The following DNMT3A variants were observed in gnomAD, a reference collection of about 807,000 sequenced individuals.
DNMT3A encodes DNA methyltransferase 3 alpha, also known as DNA (cytosine-5)-methyltransferase 3A.
Under a neutral mutation model 117.6 loss-of-function variants are expected in DNMT3A, and 267 were observed. That is an observed-to-expected ratio of 2.27 (90% CI 2.05 to 2.51). The LOEUF is 2.51. Among genes scored for constraint, DNMT3A ranks in the 30% most tolerant of loss-of-function variants. DNMT3A has a pLI of 0.00. For synonymous variants in DNMT3A, 432 were observed against 474.8 expected, an observed-to-expected ratio of 0.91 and a Z score of 1.17; for missense variants, 1,029 against 1,260.2, an observed-to-expected ratio of 0.82 and a Z score of 2.78.
At chr2:25,278,323 C>G (rs1046010993) in intron 4 of DNMT3A, among the ~76,000 whole-genome samples, 3 of 152,218 alleles carry the variant, frequency 2.0e-5, no homozygotes, top group Non-Finnish European at 4.4e-5. Flanking sequence ...CACCCAAGTT[C>G]TCTTTAAAAT....
At position 25,280,349 on chromosome 2, in the gene DNMT3A, C is replaced by A. The variant is rs1200296399; in HGVS notation, c.448+2092G>T. 5.8e-5 allele frequency among the ~76,000 whole-genome samples: 8 copies of A among 137,594 alleles called. No individual in the cohort carries two copies. The Admixed American group carries it at 5.8e-4, about 10-fold the overall frequency. The allele number at this position is 137,594 out of a possible 152,430, so 90.3% of individuals were successfully genotyped here. On this transcript the variant is annotated intron_variant, in intron 4 of 22. Transcript: ENST00000321117. ...CCCCACCCCCCACCCCGGCAGCCAC[C>A]TTTGAAGGCCTGGCCTGTCTGCCCC... is the stretch of plus-strand genomic sequence containing the variant.
intron 6 of DNMT3A, among the ~76,000 whole-genome samples, chr2:25,262,155 A>C (rs191955593): frequency 4.3e-4 from 60 of 138,130 alleles, no homozygotes; most frequent in African/African-American, 1.5e-3. Context: ...GTGCCACTGC[A>C]CTCCAGCCTG....
chr2:25,239,448 G>T (rs1396996327), intron 19 of DNMT3A: 1 of 624,108 alleles, frequency 1.6e-6, no homozygotes, highest in Non-Finnish European at 3.1e-6. Flanking sequence ...CTGCGATGGT[G>T]GGTTGTCCTC....
At chr2:25,332,680 T>C (rs1218337076) in intron 1 of DNMT3A, among the ~76,000 whole-genome samples, 1 of 152,170 alleles carries the variant, frequency 6.6e-6, no homozygotes, top group Non-Finnish European at 1.5e-5. Context: ...TGGCAGGGTG[T>C]TGACAGAAGA....
rs1048519391 is a variant in DNMT3A at position 25,304,365 on chromosome 2, G to A, written c.73-4122C>T. Among the ~76,000 whole-genome samples the A allele has an allele frequency of 2.0e-5, 3 of 152,174 alleles. No individual in the cohort carries two copies. The highest frequency in any genetic ancestry group is 4.8e-5 in the African/African-American group (2 of 41,436). ...GAGGTGATGTAGCAAAAGCTGACACGTGATAGTCACTCGAGAACTGCTACC... is the reference window on the plus strand; with the variant it reads ...GAGGTGATGTAGCAAAAGCTGACACATGATAGTCACTCGAGAACTGCTACC... On this transcript the variant is annotated intron_variant, in intron 2 of 22. Coordinates refer to ENST00000321117, the MANE Select transcript of DNMT3A (RefSeq NM_022552.5). The surrounding 1 kb of genome is among the most constrained non-coding windows in gnomAD (Gnocchi z 4.3).
intron 1 of DNMT3A, among the ~76,000 whole-genome samples, chr2:25,325,804 C>G (rs888011950): frequency 4.6e-5 from 7 of 152,192 alleles, no homozygotes; most frequent in Non-Finnish European, 1.0e-4. Context: ...GTCTGGAACC[C>G]AGCGAATTCT....
At chr2:25,271,240 G>A (rs572808326) in intron 6 of DNMT3A, among the ~76,000 whole-genome samples, 6 of 152,158 alleles carry the variant, frequency 3.9e-5, no homozygotes, top group Non-Finnish European at 8.8e-5. Context: ...CCAGCCACTC[G>A]GGAGGCTGAG....
Position 25,230,263 on chromosome 2 carries a change from C to T in DNMT3A, c.*4016G>A, listed in dbSNP as rs1008688268. On this transcript the variant is annotated 3_prime_UTR_variant, in exon 23 of 23. Coordinates refer to ENST00000321117, the MANE Select transcript of DNMT3A (RefSeq NM_022552.5). ...TGCGGCCCCCCAGTCTGCCGGTGCA[C>T]CAGCCTGTCGCTCCCGTGGGGCGGG... The T allele has an allele frequency of 6.6e-6, 1 of 152,396 alleles. No individual in the cohort carries two copies. Among genetic ancestry groups the T allele is most frequent in the East Asian group, 1.9e-4 (1 of 5,196 alleles). The allele number at this position is 152,396 out of a possible 1,614,324, so 9.4% of individuals were successfully genotyped here. A position where few individuals can be genotyped will look rare whatever the true frequency, so the allele number is the denominator to read the frequency against.
intron 3 of DNMT3A, among the ~76,000 whole-genome samples, chr2:25,289,513 G>A (rs2032587317): frequency 6.6e-6 from 1 of 152,132 alleles, no homozygotes; most frequent in Non-Finnish European, 1.5e-5. Context: ...GGGATCCTAG[G>A]GGAGCTGGAG....
Position 25,247,943 on chromosome 2 carries a change from C to T in DNMT3A, c.855+94G>A. The T allele has an allele frequency of 1.9e-6, 3 of 1,569,964 alleles. No homozygotes were observed. The highest frequency in any genetic ancestry group is 1.1e-5 in the South Asian group (1 of 88,266). On this transcript the variant is annotated intron_variant, in intron 7 of 22. Coordinates refer to ENST00000321117, the MANE Select transcript of DNMT3A (RefSeq NM_022552.5). The surrounding 1 kb of genome is among the most constrained non-coding windows in gnomAD (Gnocchi z 5.6). ...GGTCAGGTGGAGAGAGCGAGCGGCC[C>T]GTGGGAGATGGAGAGAGGAGAGCAG...
At position 25,237,052 on chromosome 2, in the gene DNMT3A, C is replaced by T. The variant is rs370144254; in HGVS notation, c.2409-47G>A. The T allele has an allele frequency of 3.3e-5, 53 of 1,596,666 alleles. 1 individual carries two copies. The highest frequency in any genetic ancestry group is 3.3e-4 in the South Asian group (29 of 89,220). On this transcript the variant is annotated intron_variant, in intron 20 of 22. Coordinates refer to ENST00000321117, the MANE Select transcript of DNMT3A (RefSeq NM_022552.5). This position sits in a 1 kb window ranked among gnomAD's most constrained non-coding sequence, Gnocchi z 5.4. Reference sequence around the variant, plus strand: ...GTAACAACAGAAACCTGGATAACAGCGGGAAGGGCCCCAGCTGCACGACTC... The same window carrying T: ...GTAACAACAGAAACCTGGATAACAGTGGGAAGGGCCCCAGCTGCACGACTC...
Position 25,248,117 on chromosome 2 carries a change from CCA to C in DNMT3A, c.773_774del (p.Val258GlyfsTer5). 6.2e-7 allele frequency: 1 copy of C among 1,613,572 alleles called. No homozygotes were observed. Among genetic ancestry groups the C allele is most frequent in the Non-Finnish European group, 8.5e-7 (1 of 1,179,930 alleles). On this transcript the variant is annotated frameshift_variant, in exon 7 of 23. Coordinates refer to ENST00000321117, the MANE Select transcript of DNMT3A (RefSeq NM_022552.5). LOFTEE classifies it high-confidence loss of function. ...GACCCCACGGGCTCAGGCGTGGTAG[CCA>C]CAGTGGGGGATGCGGGGTCAGTGGG... Reference protein sequence around the residue: ...QQPTDPASPTVATTPEPVGSD... With the variant: ...QQPTDPASPTXATTPEPVGSD...
chr2:25,336,571 T>C (rs560703961), intron 1 of DNMT3A, among the ~76,000 whole-genome samples: 6 of 152,208 alleles, frequency 3.9e-5, no homozygotes, highest in African/African-American at 1.2e-4. Context: ...GTCTATGGAA[T>C]AGAAAGAATC....
In DNMT3A at chr2:25,254,865, C is replaced by T. The variant is rs1558682798; in HGVS notation, c.640-6613G>A. Among the ~76,000 whole-genome samples the T allele has an allele frequency of 6.6e-6, 1 of 152,194 alleles. No homozygotes were observed. The highest frequency in any genetic ancestry group is 1.5e-5 in the Non-Finnish European group (1 of 68,036). Reference sequence around the variant, plus strand: ...CTTGGGACATAAGACTGCAATGATGCCGTGCGTGCAGCAAGGACTCAAGGT... The same window carrying T: ...CTTGGGACATAAGACTGCAATGATGTCGTGCGTGCAGCAAGGACTCAAGGT... On this transcript the variant is annotated intron_variant, in intron 6 of 22. Coordinates refer to ENST00000321117, the MANE Select transcript of DNMT3A (RefSeq NM_022552.5). The surrounding 1 kb of genome is among the most constrained non-coding windows in gnomAD (Gnocchi z 4.7).
At chr2:25,341,120 G>A (rs1467254786) in intron 1 of DNMT3A, among the ~76,000 whole-genome samples, 1 of 143,034 alleles carries the variant, frequency 7.0e-6, no homozygotes, top group Non-Finnish European at 1.6e-5. Flanking sequence ...TCGCGGCGCG[G>A]CGCTCCCCGG....
chr2:25,281,949 G>GACC lies in DNMT3A; in HGVS notation c.448+491_448+492insGGT. 9.2e-7 allele frequency: 1 copy of GACC among 1,085,022 alleles called. No individual in the cohort carries two copies. The highest frequency in any genetic ancestry group is 1.1e-6 in the Non-Finnish European group (1 of 890,410). The allele number at this position is 1,085,022 out of a possible 1,614,324, so 67.2% of individuals were successfully genotyped here. On this transcript the variant is annotated intron_variant, in intron 4 of 22. Coordinates refer to ENST00000321117, the MANE Select transcript of DNMT3A (RefSeq NM_022552.5). The surrounding 1 kb of genome is among the most constrained non-coding windows in gnomAD (Gnocchi z 4.8). ...CTCTGCACTCAGGGAGGCAAACAGG[G>GACC]TATCTGCTGCCCTTGAGTGCCCAGG...
At chr2:25,279,043 G>A (rs2031681660) in intron 4 of DNMT3A, among the ~76,000 whole-genome samples, 1 of 152,178 alleles carries the variant, frequency 6.6e-6, no homozygotes, top group South Asian at 2.1e-4. Context: ...GTAGCGAGGA[G>A]AGAGAATGCC....
At chr2:25,246,871 C>T (rs1008595667) in intron 9 of DNMT3A, 95 bp from the exon 10 acceptor site, 3 of 1,557,008 alleles carry the variant, frequency 1.9e-6, no homozygotes, top group Non-Finnish European at 2.6e-6. Flanking sequence ...GAGGGTGGCA[C>T]AGGCAAGATG....
At chr2:25,262,812 T>A (rs1676725901) in intron 6 of DNMT3A, among the ~76,000 whole-genome samples, 1 of 152,176 alleles carries the variant, frequency 6.6e-6, no homozygotes, top group Non-Finnish European at 1.5e-5. Flanking sequence ...TAGTTCTGTC[T>A]CTTCTTGCCC....
Sources: allele counts gnomAD v4.1 joint callset (sites outside exome capture counted in the v4.1 genomes callset), GRCh38; gene constraint gnomAD v4.1.1; non-coding constraint Gnocchi (gnomAD v3.1); transcripts MANE v1.5; gene names NCBI Gene and HGNC (gene_info 2026-07-23, HGNC 2026-07-21).